ZNF596: variants seen among roughly 807,000 people sequenced by gnomAD.
ZNF596 encodes zinc finger protein 596.
ZNF596 carries 45 observed loss-of-function variants against 48.3 expected under a neutral mutation model. The ratio of observed to expected loss-of-function variants is 0.93; its 90% CI spans 0.73 to 1.19. ZNF596 has a LOEUF of 1.19. Ranked by LOEUF, ZNF596 falls within the 50% of genes most tolerant of loss-of-function variation. The pLI, the probability that ZNF596 is intolerant of heterozygous loss-of-function variation, is 0.00. For missense variants in ZNF596, 848 were observed against 599.7 expected (o/e 1.41, Z -4.32); for synonymous variants, 270 against 202.0 (o/e 1.34, Z -2.85).
Position 240,621 on chromosome 8 carries a change from G to A in ZNF596, c.-72-203G>A, listed in dbSNP as rs936220712. 2.0e-5 allele frequency: 9 copies of A among 447,006 alleles called. No homozygotes were observed. In the Middle Eastern group the frequency reaches 1.8e-3, roughly 89 times the overall value. 27.7% of individuals were successfully genotyped at this position (447,006 alleles called of 1,614,324 possible). On this transcript the variant is annotated intron_variant, in intron 1 of 5. Coordinates refer to ENST00000398612, the MANE Select transcript of ZNF596 (RefSeq NM_001042416.3). ...AACTCCATGATTTTCACATTTCTAG[G>A]TCTAAAATAAAAATATTTATATCTT...
chr8:240,730 G>T (rs56168541), intron 1 of ZNF596, 94 bp from the exon 2 acceptor site: 16 of 777,098 alleles, frequency 2.1e-5, no homozygotes, highest in Non-Finnish European at 3.5e-5. Context: ...GCATGTCCTT[G>T]TTGGTTGGAC....
chr8:236,190 A>G (rs1326794683), intron 1 of ZNF596, among the ~76,000 whole-genome samples: 1 of 152,218 alleles, frequency 6.6e-6, no homozygotes, highest in African/African-American at 2.4e-5. Context: ...TGCCTGTTGT[A>G]AATAGACACT....
chr8:246,597 A>AT lies in ZNF596; in HGVS notation c.*235_*236insT. 2 of 423,946 alleles carry AT rather than the reference A, an allele frequency of 4.7e-6. No homozygotes were observed. Among genetic ancestry groups the AT allele is most frequent in the Non-Finnish European group, 8.2e-6 (2 of 245,240 alleles). 26.3% of individuals were successfully genotyped at this position (423,946 alleles called of 1,614,324 possible). On this transcript the variant is annotated 3_prime_UTR_variant, in exon 6 of 6. Coordinates refer to ENST00000398612, the MANE Select transcript of ZNF596 (RefSeq NM_001042416.3). ...GAAACTATAGATCAAAGGAATGTGGAGGAGTCTTCATCCACAGCTCTGTTA... is the reference window on the plus strand; with the variant it reads ...GAAACTATAGATCAAAGGAATGTGGATGGAGTCTTCATCCACAGCTCTGTTA...
At chr8:232,992 T>G in intron 1 of ZNF596, 1 of 468,746 alleles carries the variant, frequency 2.1e-6, no homozygotes. Flanking sequence ...GGTGTCCCAC[T>G]GAGAAGCGGG....
Position 245,686 on chromosome 8 carries a change from T to TA in ZNF596, c.840dup (p.Cys281MetfsTer13), listed in dbSNP as rs774000367. 2 of 1,613,226 alleles carry TA rather than the reference T, an allele frequency of 1.2e-6. No homozygotes were observed. Among genetic ancestry groups the TA allele is most frequent in the Middle Eastern group, 1.6e-4 (1 of 6,078 alleles). On this transcript the variant is annotated frameshift_variant, in exon 6 of 6. Transcript: ENST00000398612. LOFTEE classifies it high-confidence loss of function. The stretch of plus-strand genomic sequence containing the variant: ...ATTCACACTAGAGAAAAAGCACAGA[T>TA]ATGCCATCTATGTGGGAAAGCCTTC...
At chr8:244,417 C>G (rs1288083795) in intron 4 of ZNF596, 7 of 551,688 alleles carry the variant, frequency 1.3e-5, no homozygotes, top group South Asian at 1.2e-4. Flanking sequence ...TCTTTCCTTC[C>G]TCGACTTGCC....
chr8:237,903 A>G (rs1440580957), intron 1 of ZNF596, among the ~76,000 whole-genome samples: 1 of 152,172 alleles, frequency 6.6e-6, no homozygotes, highest in Non-Finnish European at 1.5e-5. Context: ...CTGTCTTCCT[A>G]GGCACCATGA....
intron 2 of ZNF596, 74 bp from the exon 3 acceptor site, chr8:242,813 G>C: frequency 7.4e-7 from 1 of 1,357,860 alleles, no homozygotes; most frequent in South Asian, 2.1e-5. Context: ...CCTTAGTACA[G>C]TCACTTTGAT....
At chr8:244,359 A>T in intron 4 of ZNF596, 1 of 435,864 alleles carries the variant, frequency 2.3e-6, no homozygotes, top group Non-Finnish European at 4.0e-6. Flanking sequence ...TTTGAGTTAA[A>T]CTATTACATA....
rs1167168569 is a variant in ZNF596 at position 238,628 on chromosome 8, C to CAA, written c.-72-2168_-72-2167dup. ...TCAGCTTTGCCAACATGGTGAAATA[C>CAA]AAAAAAAAAAAAAAAAAAAAAAAAA... is the stretch of plus-strand genomic sequence containing the variant. On this transcript the variant is annotated intron_variant, in intron 1 of 5. Coordinates refer to ENST00000398612, the MANE Select transcript of ZNF596 (RefSeq NM_001042416.3). 8.3e-3 allele frequency among the ~76,000 whole-genome samples: 329 copies of CAA among 39,832 alleles called. 9 individuals carry two copies. Among genetic ancestry groups the CAA allele is most frequent in the East Asian group, 0.014 (20 of 1,384 alleles). The allele number at this position is 39,832 out of a possible 152,430, so 26.1% of individuals were successfully genotyped here.
intron 1 of ZNF596, chr8:237,648 T>G (rs1489306772): frequency 6.6e-6 from 1 of 152,192 alleles, no homozygotes; most frequent in East Asian, 1.9e-4. Flanking sequence ...CATTATTAAA[T>G]TACTCTATCA....
rs1391064112 is a variant in ZNF596 at position 240,816 on chromosome 8, T to C, written c.-72-8T>C. The C allele has an allele frequency of 6.3e-7, 1 of 1,575,404 alleles. No individual in the cohort carries two copies. The highest frequency in any genetic ancestry group is 1.4e-5 in the African/African-American group (1 of 73,858). ...GGTTTTTTTGTTTTTGTTTTTGTTT[T>C]TGCTCAGATTTGTCTTCTTAGTGCT... On this transcript the variant is annotated splice_region_variant and splice_polypyrimidine_tract_variant and intron_variant, in intron 1 of 5. Transcript: ENST00000398612.
At chr8:241,772 G>A (rs1444509054) in intron 2 of ZNF596, among the ~76,000 whole-genome samples, 2 of 152,186 alleles carry the variant, frequency 1.3e-5, no homozygotes, top group African/African-American at 4.8e-5. Context: ...CTACCTGATA[G>A]TGGGTAATTT....
At position 246,848 on chromosome 8, in the gene ZNF596, T is replaced by C. The variant is rs1797110199; in HGVS notation, c.*486T>C. 6.5e-6 allele frequency: 1 copy of C among 154,858 alleles called. No individual in the cohort carries two copies. Among genetic ancestry groups the C allele is most frequent in the African/African-American group, 2.4e-5 (1 of 41,470 alleles). The allele number at this position is 154,858 out of a possible 1,614,324, so 9.6% of individuals were successfully genotyped here. A position where few individuals can be genotyped will look rare whatever the true frequency, so the allele number is the denominator to read the frequency against. ...AACAGGAAATATGTGAAAATATTTT[T>C]TATTAGGTGGATGAGGCCTCTTGAA... is the stretch of plus-strand genomic sequence containing the variant. On this transcript the variant is annotated 3_prime_UTR_variant, in exon 6 of 6. Transcript: ENST00000398612.
chr8:232,182 C>G (rs951372077), upstream of ZNF596: 1 of 153,262 alleles, frequency 6.5e-6, no homozygotes, highest in African/African-American at 2.4e-5. Flanking sequence ...CGAACGCACT[C>G]CAACAGAACC....
chr8:237,416 G>A (rs1796662253), intron 1 of ZNF596: 2 of 152,136 alleles, frequency 1.3e-5, no homozygotes. Flanking sequence ...GTTTATGAGT[G>A]TTTTTAAAGT....
intron 2 of ZNF596, among the ~76,000 whole-genome samples, chr8:242,197 G>C (rs1316887140): frequency 6.6e-6 from 1 of 152,182 alleles, no homozygotes; most frequent in Admixed American, 6.5e-5. Flanking sequence ...AAGTCTTAGA[G>C]TCCCTGGCTT....
chr8:242,044 T>C (rs550709010), intron 2 of ZNF596, among the ~76,000 whole-genome samples: 2 of 152,182 alleles, frequency 1.3e-5, no homozygotes, highest in East Asian at 1.9e-4. Flanking sequence ...CCCCAACATG[T>C]GGGGATTACA....
At chr8:232,355 C>A (rs1284224117), upstream of ZNF596, 1 of 183,734 alleles carries the variant, frequency 5.4e-6, no homozygotes, top group African/African-American at 2.4e-5. Context: ...CGGGCCCCGC[C>A]CCTCGCGCGA....
Sources: allele counts gnomAD v4.1 joint callset (sites outside exome capture counted in the v4.1 genomes callset), GRCh38; gene constraint gnomAD v4.1.1; transcripts MANE v1.5; gene names NCBI Gene and HGNC (gene_info 2026-07-23, HGNC 2026-07-21).